The following FRMPD1 variants were observed in gnomAD, a reference collection of about 807,000 sequenced individuals.
FRMPD1 encodes FERM and PDZ domain-containing protein 1.
FRMPD1 carries 76 observed loss-of-function variants against 117.8 expected under a neutral mutation model. That is an observed-to-expected ratio of 0.65 (90% CI 0.54 to 0.78). The LOEUF is 0.78. Ranked by LOEUF, FRMPD1 falls within the 30% of genes least tolerant of loss-of-function variation. The probability of loss-of-function intolerance (pLI) is 0.00; values close to 1 mark genes in which losing one functional copy is unlikely to be tolerated. For synonymous variants in FRMPD1, 783 were observed against 770.4 expected (o/e 1.02, Z -0.27); for missense variants, 1,786 against 1,964.5 (o/e 0.91, Z 1.72).
chr9:37,614,712 G>C, the FRMPD1 span, among the ~76,000 whole-genome samples: 1 of 152,212 alleles, frequency 6.6e-6, no homozygotes. Flanking sequence ...AGGAAAACTA[G>C]AATTGCTGAA....
chr9:37,702,099 T>A (rs1822554378), intron 2 of FRMPD1, among the ~76,000 whole-genome samples: 1 of 152,232 alleles, frequency 6.6e-6, no homozygotes, highest in South Asian at 2.1e-4. Flanking sequence ...GGTTGAGCTA[T>A]ATATCGAGTT....
intron 1 of FRMPD1, among the ~76,000 whole-genome samples, chr9:37,676,904 CTA>C (rs944265030): frequency 4.3e-4 from 65 of 152,276 alleles, no homozygotes; most frequent in Middle Eastern, 3.4e-3. Context: ...CTTGTCTTCT[CTA>C]TAACACGATG....
intron 1 of FRMPD1, among the ~76,000 whole-genome samples, chr9:37,652,526 C>T (rs1820710057): frequency 1.3e-5 from 2 of 152,290 alleles, no homozygotes; most frequent in East Asian, 1.9e-4. Context: ...TATTTCCTTC[C>T]TCGACATCCT....
At chr9:37,622,835 A>G in the FRMPD1 span, among the ~76,000 whole-genome samples, 215 of 152,240 alleles carry the variant, frequency 1.4e-3, 2 homozygotes, top group African/African-American at 4.9e-3. Flanking sequence ...AAAGTAGGAT[A>G]TTTCAAAGCT....
the FRMPD1 span, among the ~76,000 whole-genome samples, chr9:37,629,174 G>A: frequency 6.6e-6 from 1 of 151,936 alleles, no homozygotes; most frequent in Non-Finnish European, 1.5e-5. Context: ...ACTCCAGCCT[G>A]GGTGATAGAG....
rs73447203 is a variant in FRMPD1, at chr9:37,739,986, G to A, written c.1550-92G>A. On this transcript the variant is annotated intron_variant, in intron 14 of 15. Coordinates refer to ENST00000377765, the MANE Select transcript of FRMPD1 (RefSeq NM_014907.3). ...CCACCCTCTGGCCCTCAGTTTTCTCGTCTGGCAGGGTTGGGTGGGGGTCAG... is the reference window on the plus strand; with the variant it reads ...CCACCCTCTGGCCCTCAGTTTTCTCATCTGGCAGGGTTGGGTGGGGGTCAG... The A allele has an allele frequency of 1.3e-3, 1,252 of 952,158 alleles. 10 individuals carry two copies. In the African/African-American group the frequency reaches 0.017, roughly 13 times the overall value. 59.0% of individuals were successfully genotyped at this position (952,158 alleles called of 1,614,324 possible). A position where few individuals can be genotyped will look rare whatever the true frequency, so the allele number is the denominator to read the frequency against.
At chr9:37,673,710 C>T (rs1352687233) in intron 1 of FRMPD1, among the ~76,000 whole-genome samples, 1 of 152,238 alleles carries the variant, frequency 6.6e-6, no homozygotes, top group Non-Finnish European at 1.5e-5. Flanking sequence ...TCCCAAACCT[C>T]AATTCTTGAC....
chr9:37,643,243 C>T, the FRMPD1 span, among the ~76,000 whole-genome samples: 3 of 152,124 alleles, frequency 2.0e-5, no homozygotes, highest in Non-Finnish European at 4.4e-5. Context: ...TAATTCAAGA[C>T]TATGGGCTTA....
At chr9:37,620,913 A>G in the FRMPD1 span, among the ~76,000 whole-genome samples, 2 of 152,242 alleles carry the variant, frequency 1.3e-5, no homozygotes, top group South Asian at 2.1e-4. Context: ...TTTCTGTTAA[A>G]AAAAGTGCTA....
chr9:37,707,952 T>C (rs1276774477), intron 3 of FRMPD1, among the ~76,000 whole-genome samples: 1 of 152,250 alleles, frequency 6.6e-6, no homozygotes, highest in Non-Finnish European at 1.5e-5. Flanking sequence ...TGTTTTCATT[T>C]GAACCTTGTG....
intron 4 of FRMPD1, among the ~76,000 whole-genome samples, chr9:37,708,834 T>C (rs1822807328): frequency 6.6e-6 from 1 of 152,236 alleles, no homozygotes; most frequent in Admixed American, 6.5e-5. Flanking sequence ...TAAGGATTTA[T>C]AGGCACGTTG....
At chr9:37,603,303 C>T in the FRMPD1 span, among the ~76,000 whole-genome samples, 2 of 152,190 alleles carry the variant, frequency 1.3e-5, no homozygotes, top group East Asian at 3.9e-4. Context: ...ATTTGGTGAT[C>T]AGTGTGAAGA....
chr9:37,643,413 G>A, the FRMPD1 span, among the ~76,000 whole-genome samples: 1 of 152,006 alleles, frequency 6.6e-6, no homozygotes, highest in African/African-American at 2.4e-5. Context: ...TTGGTACTGT[G>A]GGGTAGTTCT....
chr9:37,666,218 A>T (rs773233212), intron 1 of FRMPD1, among the ~76,000 whole-genome samples: 1 of 152,134 alleles, frequency 6.6e-6, no homozygotes, highest in Non-Finnish European at 1.5e-5. Context: ...TCTTCTTCAC[A>T]GTTGTTCTGC....
intron 1 of FRMPD1, among the ~76,000 whole-genome samples, chr9:37,674,622 GT>G (rs1821462992): frequency 6.6e-6 from 1 of 152,180 alleles, no homozygotes. Context: ...AGAAAAAGAG[GT>G]TTAATTGGAC....
the FRMPD1 span, among the ~76,000 whole-genome samples, chr9:37,627,520 G>T: frequency 6.6e-6 from 1 of 152,130 alleles, no homozygotes; most frequent in African/African-American, 2.4e-5. Context: ...TGTCATCCAG[G>T]CTAGAGTGTA....
chr9:37,723,187 C>T (rs908112169), intron 6 of FRMPD1, among the ~76,000 whole-genome samples: 1 of 152,124 alleles, frequency 6.6e-6, no homozygotes, highest in Non-Finnish European at 1.5e-5. Context: ...CCACCCCAAT[C>T]CTACAAGGTA....
chr9:37,604,819 G>A, the FRMPD1 span, among the ~76,000 whole-genome samples: 1 of 152,184 alleles, frequency 6.6e-6, no homozygotes, highest in African/African-American at 2.4e-5. Context: ...AAGGGAAGTG[G>A]GCCAAGCATT....
intron 1 of FRMPD1, among the ~76,000 whole-genome samples, chr9:37,678,251 C>CTTTTTTTTTTTTTT (rs34040451): frequency 7.5e-5 from 6 of 79,844 alleles, no homozygotes; most frequent in Non-Finnish European, 9.2e-5. Context: ...GTACTTACCA[C>CTTTTTTTTTTTTTT]TTTTTTTTTT....
Sources: gnomAD v4.1 joint callset for allele counts (sites outside exome capture counted in the v4.1 genomes callset) on GRCh38, gnomAD v4.1.1 for gene constraint, MANE v1.5 for transcripts, NCBI Gene and HGNC (gene_info 2026-07-23, HGNC 2026-07-21) for gene names.